PIK3C2G: variants seen among roughly 807,000 people sequenced by gnomAD.
PIK3C2G encodes the protein phosphatidylinositol-4-phosphate 3-kinase catalytic subunit type 2 gamma, also known as phosphatidylinositol 3-kinase C2 domain-containing subunit gamma.
A neutral mutation model predicts 181.1 loss-of-function variants in PIK3C2G; 168 were observed. That is an observed-to-expected ratio of 0.93 (90% confidence interval 0.82 to 1.05). PIK3C2G has a LOEUF of 1.05. Ranked by LOEUF, PIK3C2G falls within the 50% of genes least tolerant of loss-of-function variation. The pLI, the probability that PIK3C2G is intolerant of heterozygous loss-of-function variation, is 0.00. For missense variants in PIK3C2G, 1,869 were observed against 1,732.8 expected (o/e 1.08, Z -1.40); for synonymous variants, 573 against 592.2 (o/e 0.97, Z 0.47).
At chr12:18,670,180 C>T in the PIK3C2G span, among the ~76,000 whole-genome samples, 1 of 152,060 alleles carries the variant, frequency 6.6e-6, no homozygotes, top group Non-Finnish European at 1.5e-5. Flanking sequence ...AGTATGCTGC[C>T]TTGAAACAAG....
At chr12:18,454,496 C>T (rs1007485992) in intron 18 of PIK3C2G, among the ~76,000 whole-genome samples, 5 of 151,986 alleles carry the variant, frequency 3.3e-5, no homozygotes, top group Admixed American at 6.6e-5. Context: ...AGTGTAGTCA[C>T]GTGAGGTATA....
chr12:18,610,376 T>C (rs1480304686), intron 31 of PIK3C2G, among the ~76,000 whole-genome samples: 4 of 152,128 alleles, frequency 2.6e-5, no homozygotes, highest in Admixed American at 6.6e-5. Context: ...TCTCTGAGGA[T>C]GCCTTTGGAA....
At chr12:18,615,069 C>T (rs1222712689) in intron 31 of PIK3C2G, among the ~76,000 whole-genome samples, 1 of 151,810 alleles carries the variant, frequency 6.6e-6, no homozygotes, top group Non-Finnish European at 1.5e-5. Flanking sequence ...AATTCGTCAC[C>T]CAAGCAGTGT....
chr12:18,486,695 T>C (rs1376281155), intron 18 of PIK3C2G, among the ~76,000 whole-genome samples: 1 of 151,946 alleles, frequency 6.6e-6, no homozygotes, highest in Admixed American at 6.6e-5. Flanking sequence ...ATTCAAAGTG[T>C]ATGAAAGTGC....
At chr12:18,529,782 T>C (rs1002720991) in intron 24 of PIK3C2G, among the ~76,000 whole-genome samples, 1 of 152,166 alleles carries the variant, frequency 6.6e-6, no homozygotes, top group Non-Finnish European at 1.5e-5. Flanking sequence ...GGGCTGGTGC[T>C]ATTGGAAAGA....
chr12:18,514,752 GCT>G lies in PIK3C2G; in HGVS notation c.3323+9294_3323+9295del, dbSNP rs559897037. Among the ~76,000 whole-genome samples, 390 of 151,874 alleles carry G rather than the reference GCT, an allele frequency of 2.6e-3. 3 individuals are homozygous for G. Among genetic ancestry groups the G allele is most frequent in the African/African-American group, 9.1e-3 (377 of 41,478 alleles). On this transcript the variant is annotated intron_variant, in intron 24 of 32. Coordinates refer to ENST00000538779, the MANE Select transcript of PIK3C2G (RefSeq NM_001288772.2). The stretch of plus-strand genomic sequence containing the variant: ...CTTTTTTTCTTTCTCTTGCCAAATT[GCT>G]CTGAGTAGGACTTCCAACACTATGT...
intron 31 of PIK3C2G, among the ~76,000 whole-genome samples, chr12:18,628,781 G>C (rs1417143439): frequency 6.6e-6 from 1 of 152,066 alleles, no homozygotes; most frequent in African/African-American, 2.4e-5. Context: ...TATCTATCAA[G>C]TGTCCCTGAA....
chr12:18,373,847 C>T (rs1467956908), intron 13 of PIK3C2G, among the ~76,000 whole-genome samples: 4 of 150,292 alleles, frequency 2.7e-5, no homozygotes, highest in East Asian at 1.9e-4. Flanking sequence ...AGCGAGACTC[C>T]GTCTAAAAAA....
intron 24 of PIK3C2G, among the ~76,000 whole-genome samples, chr12:18,515,468 T>G (rs912827337): frequency 6.6e-6 from 1 of 151,972 alleles, no homozygotes; most frequent in Non-Finnish European, 1.5e-5. Context: ...ATGTATCCAG[T>G]AATTTACCTA....
chr12:18,344,444 T>G (rs934862924), intron 10 of PIK3C2G, among the ~76,000 whole-genome samples: 34 of 152,104 alleles, frequency 2.2e-4, no homozygotes, highest in African/African-American at 8.2e-4. Flanking sequence ...TTCTAGGTGT[T>G]CATAAAACTC....
intron 31 of PIK3C2G, among the ~76,000 whole-genome samples, chr12:18,617,733 C>A (rs1948669171): frequency 6.6e-6 from 1 of 152,148 alleles, no homozygotes; most frequent in African/African-American, 2.4e-5. Flanking sequence ...ACCTGAGCAT[C>A]TTCTTATGTA....
At chr12:18,538,126 C>G in intron 24 of PIK3C2G, 30 bp from the exon 25 acceptor site, 1 of 1,587,126 alleles carries the variant, frequency 6.3e-7, no homozygotes, top group Non-Finnish European at 8.6e-7. Flanking sequence ...TCTCTTCCTT[C>G]GAATGATTGC....
chr12:18,679,494 T>C, the PIK3C2G span, among the ~76,000 whole-genome samples: 1 of 151,984 alleles, frequency 6.6e-6, no homozygotes, highest in Non-Finnish European at 1.5e-5. Context: ...ACAACATTCA[T>C]TTTTTCCAGA....
At chr12:18,306,700 C>T (rs999044492) in intron 5 of PIK3C2G, among the ~76,000 whole-genome samples, 4 of 152,020 alleles carry the variant, frequency 2.6e-5, no homozygotes, top group Non-Finnish European at 4.4e-5. Context: ...AACAGTACTA[C>T]AGTACTAATA....
intron 31 of PIK3C2G, among the ~76,000 whole-genome samples, chr12:18,610,399 G>A (rs1223953081): frequency 6.6e-6 from 1 of 152,056 alleles, no homozygotes; most frequent in Admixed American, 6.6e-5. Context: ...ATCTAAAAGA[G>A]CAAACTCTTC....
intron 29 of PIK3C2G, among the ~76,000 whole-genome samples, chr12:18,582,378 C>G (rs1946544408): frequency 6.6e-6 from 1 of 152,094 alleles, no homozygotes; most frequent in African/African-American, 2.4e-5. Context: ...CTTTGCAACC[C>G]TTGGGTCAGG....
intron 24 of PIK3C2G, among the ~76,000 whole-genome samples, chr12:18,528,816 T>G (rs1239825938): frequency 2.0e-5 from 3 of 152,166 alleles, no homozygotes; most frequent in African/African-American, 7.2e-5. Context: ...AAGTGCCCTG[T>G]AGCATGGTGC....
At chr12:18,542,086 G>T (rs1423232711) in intron 25 of PIK3C2G, among the ~76,000 whole-genome samples, 1 of 151,768 alleles carries the variant, frequency 6.6e-6, no homozygotes, top group African/African-American at 2.4e-5. Flanking sequence ...CCAGAGAAAT[G>T]TTTGATAGAG....
chr12:18,658,013 CA>C, the PIK3C2G span, among the ~76,000 whole-genome samples: 15 of 150,292 alleles, frequency 1.0e-4, no homozygotes, highest in South Asian at 8.4e-4. Flanking sequence ...ATGAAGTAAC[CA>C]AAAAAAAATT....
Sources: allele counts gnomAD v4.1 joint callset (sites outside exome capture counted in the v4.1 genomes callset), GRCh38; gene constraint gnomAD v4.1.1; transcripts MANE v1.5; gene names NCBI Gene and HGNC (gene_info 2026-07-23, HGNC 2026-07-21).